Variants in RAD50 observed in about 807,000 individuals in gnomAD.
RAD50 encodes the protein DNA repair protein RAD50.
RAD50 carries 132 observed loss-of-function variants against 168.8 expected under a neutral mutation model. The observed-to-expected ratio is 0.78, with a 90% CI of 0.68 to 0.90. RAD50 has a LOEUF of 0.90. RAD50 is among the 40% of genes least tolerant of loss of function. The pLI is 0.00. For missense variants in RAD50, 1,347 were observed against 1,534.4 expected, an observed-to-expected ratio of 0.88 and a Z score of 2.04; for synonymous variants, 525 against 497.4, an observed-to-expected ratio of 1.06 and a Z score of -0.74.
At chr5:132,570,916 A>G (rs927930060) in intron 2 of RAD50, among the ~76,000 whole-genome samples, 1 of 152,132 alleles carries the variant, frequency 6.6e-6, no homozygotes, top group African/African-American at 2.4e-5. Context: ...TTAAAACGAG[A>G]TGTTTGACTC....
At chr5:132,589,363 G>A (rs189414972) in intron 8 of RAD50, among the ~76,000 whole-genome samples, 13 of 152,100 alleles carry the variant, frequency 8.5e-5, no homozygotes, top group Non-Finnish European at 1.8e-4. Flanking sequence ...GTAATATGCT[G>A]TATAGGTTTG....
At chr5:132,557,580 T>C (rs1003606571) in intron 1 of RAD50, 127 bp downstream of exon 1, 3 of 1,374,388 alleles carry the variant, frequency 2.2e-6, no homozygotes, top group Non-Finnish European at 3.0e-6. Flanking sequence ...GCCCTTAAAG[T>C]GCCTTAGGGT....
intron 5 of RAD50, 140 bp from the exon 6 acceptor site, chr5:132,587,422 C>A: frequency 1.6e-6 from 2 of 1,279,312 alleles, no homozygotes; most frequent in Non-Finnish European, 2.1e-6. Flanking sequence ...TTTCTCTAGG[C>A]CTGCTCTACA....
chr5:132,563,192 T>C (rs1710026453), intron 2 of RAD50, among the ~76,000 whole-genome samples: 1 of 152,212 alleles, frequency 6.6e-6, no homozygotes. Flanking sequence ...AAGTGGGATA[T>C]ACTAGAGCAT....
At chr5:132,614,062 T>G (rs1751133620) in intron 19 of RAD50, among the ~76,000 whole-genome samples, 1 of 152,148 alleles carries the variant, frequency 6.6e-6, no homozygotes, top group African/African-American at 2.4e-5. Flanking sequence ...ACTCTTGATG[T>G]GGTATATACT....
intron 21 of RAD50, among the ~76,000 whole-genome samples, chr5:132,625,236 G>A (rs562260979): frequency 0.031 from 4,676 of 151,256 alleles, 123 homozygotes; most frequent in Non-Finnish European, 0.047. Flanking sequence ...ACAGGCGCCC[G>A]CCACTACGCC....
intron 16 of RAD50, among the ~76,000 whole-genome samples, chr5:132,607,376 C>A (rs759327816): frequency 3.9e-5 from 6 of 152,186 alleles, no homozygotes; most frequent in Non-Finnish European, 7.3e-5. Context: ...TGAGCAGGCA[C>A]TCAGTTGCCA....
rs1397349878 is a variant in RAD50 at position 132,640,793 on chromosome 5, A to C, written c.3740A>C (p.His1247Pro). Reference protein sequence around the residue: ...LDRENIESLAHALVEIIKSRS... With the variant: ...LDRENIESLAPALVEIIKSRS... Reference sequence around the variant, plus strand: ...CGAGAAAACATTGAATCTCTTGCACATGCTCTGGTTGAGTAAGTATCTCTT... The same window carrying C: ...CGAGAAAACATTGAATCTCTTGCACCTGCTCTGGTTGAGTAAGTATCTCTT... Residue 1247 changes from histidine (H) to proline (P), a missense_variant, in exon 24 of 25, where the codon CAT (histidine) becomes CCT (proline). His to Pro is a moderately conservative substitution (Grantham distance 77). Around this residue, in one of 3 missense-constraint regions of RAD50, gnomAD observed 635 missense variants for 739.2 expected, o/e 0.86. Transcript: ENST00000378823. 11 of 1,613,076 alleles carry C rather than the reference A, an allele frequency of 6.8e-6. No homozygotes were observed. Among genetic ancestry groups the C allele is most frequent in the Non-Finnish European group, 2.5e-6 (3 of 1,179,482 alleles).
At chr5:132,607,193 AGTAAATGTTATTGGAGGTGGTCAG>A (rs1245348492) in intron 16 of RAD50, among the ~76,000 whole-genome samples, 1 of 152,240 alleles carries the variant, frequency 6.6e-6, no homozygotes, top group Non-Finnish European at 1.5e-5. Flanking sequence ...CTGGTTAAGT[AGTAAATGTTATTGGAGGTGGTCAG>A]GTGGTGGTTG....
chr5:132,582,718 T>C lies in RAD50; in HGVS notation c.756+2652T>C, dbSNP rs549211768. Among the ~76,000 whole-genome samples, 9 of 152,240 alleles carry C rather than the reference T, an allele frequency of 5.9e-5. No individual in the cohort carries two copies. In the East Asian group the frequency reaches 1.7e-3, roughly 29 times the overall value. On this transcript the variant is annotated intron_variant, in intron 5 of 24. Coordinates refer to ENST00000378823, the MANE Select transcript of RAD50 (RefSeq NM_005732.4). ...TCTGCACACAAGTTCATGGTCCTTC[T>C]ATACTTGATAGCCCAGCTGCTCTAT...
intron 22 of RAD50, 145 bp downstream of exon 22, chr5:132,637,345 C>T: frequency 2.1e-6 from 3 of 1,440,374 alleles, no homozygotes; most frequent in South Asian, 1.3e-5. Flanking sequence ...CTTATCTTGG[C>T]AACATCTTGT....
intron 9 of RAD50, among the ~76,000 whole-genome samples, chr5:132,590,769 A>G (rs1750683994): frequency 6.6e-6 from 1 of 152,170 alleles, no homozygotes; most frequent in Non-Finnish European, 1.5e-5. Context: ...TGTAGCATAC[A>G]TTTTTGTCAG....
rs552086950 is a variant in RAD50 at position 132,598,483 on chromosome 5, G to A, written c.2207+2673G>A. Among the ~76,000 whole-genome samples, 21 of 152,278 alleles carry A rather than the reference G, an allele frequency of 1.4e-4. No homozygotes were observed. The South Asian group carries it at 4.4e-3, about 32-fold the overall frequency. On this transcript the variant is annotated intron_variant, in intron 13 of 24. Transcript: ENST00000378823. ...GTCTGTTCCAATTATTTATTGCTAT[G>A]TAACAAACCTCAAATCTGTCTCACA...
chr5:132,582,432 A>C (rs888827755), intron 5 of RAD50, among the ~76,000 whole-genome samples: 3 of 152,082 alleles, frequency 2.0e-5, no homozygotes, highest in African/African-American at 4.8e-5. Context: ...ACATGTGAAG[A>C]TTCTTCCCTT....
chr5:132,633,102 T>TC (rs199935948), intron 21 of RAD50, among the ~76,000 whole-genome samples: 24 of 140,806 alleles, frequency 1.7e-4, no homozygotes, highest in Admixed American at 4.8e-4. Flanking sequence ...TTTTTTCTTT[T>TC]TTTTTTTTTT....
intron 5 of RAD50, among the ~76,000 whole-genome samples, chr5:132,580,545 T>C (rs1054775001): frequency 6.6e-6 from 1 of 152,196 alleles, no homozygotes. Flanking sequence ...TTTTTAAAAA[T>C]TGACATCTTT....
rs371655343 is a variant in RAD50, at chr5:132,643,726, G to T, written c.*1362G>T. 4 of 165,484 alleles carry T rather than the reference G, an allele frequency of 2.4e-5. No homozygotes were observed. Among genetic ancestry groups the T allele is most frequent in the East Asian group, 7.9e-5 (1 of 12,684 alleles). 10.3% of individuals were successfully genotyped at this position (165,484 alleles called of 1,614,324 possible). On this transcript the variant is annotated 3_prime_UTR_variant, in exon 25 of 25. Coordinates refer to ENST00000378823, the MANE Select transcript of RAD50 (RefSeq NM_005732.4). ...AGTATCCTGGGGGTGGTGGTGGGGT[G>T]GGGGGGGGTCCTAAATGTAATCACG...
At chr5:132,586,567 T>A (rs1221122073) in intron 5 of RAD50, among the ~76,000 whole-genome samples, 1 of 152,238 alleles carries the variant, frequency 6.6e-6, no homozygotes, top group Admixed American at 6.5e-5. Flanking sequence ...ATATGAACGT[T>A]TACGTTCATA....
At chr5:132,623,728 G>T in intron 21 of RAD50, among the ~76,000 whole-genome samples, 1 of 152,076 alleles carries the variant, frequency 6.6e-6, no homozygotes, top group East Asian at 1.9e-4. Flanking sequence ...TTCCAGAATG[G>T]CAAATATCTT....
Sources: allele counts gnomAD v4.1 joint callset (sites outside exome capture counted in the v4.1 genomes callset), GRCh38; gene constraint gnomAD v4.1.1; regional missense constraint gnomAD v4.1.1; transcripts MANE v1.5; gene names NCBI Gene and HGNC (gene_info 2026-07-23, HGNC 2026-07-21).